Variants in CSMD1 observed in about 807,000 individuals in gnomAD.
CSMD1 encodes the protein CUB and sushi domain-containing protein 1.
A neutral mutation model predicts 417.5 loss-of-function variants in CSMD1; 213 were observed. The ratio of observed to expected loss-of-function variants is 0.51; its 90% confidence interval spans 0.46 to 0.57. The LOEUF (loss-of-function observed/expected upper bound fraction) is 0.57, where lower values mean the gene tolerates loss of function less well. CSMD1 is among the 20% of genes least tolerant of loss of function. The pLI is 0.00. For synonymous variants in CSMD1, 2,862 were observed against 1,736.8 expected (o/e 1.65, Z -16.11); for missense variants, 6,923 against 4,529.7 (o/e 1.53, Z -15.17).
At chr8:4,368,147 A>AT (rs1048339140) in intron 3 of CSMD1, among the ~76,000 whole-genome samples, 18 of 152,094 alleles carry the variant, frequency 1.2e-4, no homozygotes, top group South Asian at 4.2e-4. Context: ...ATAGATGATC[A>AT]TTTTTTTGAG....
intron 2 of CSMD1, among the ~76,000 whole-genome samples, chr8:4,440,612 G>A (rs913827834): frequency 5.3e-5 from 8 of 152,134 alleles, no homozygotes; most frequent in African/African-American, 1.9e-4. Context: ...GGAAAGATAG[G>A]TAGTACCATG....
chr8:4,632,119 C>G (rs939859468), intron 2 of CSMD1, among the ~76,000 whole-genome samples: 4 of 152,130 alleles, frequency 2.6e-5, no homozygotes, highest in African/African-American at 7.2e-5. Flanking sequence ...ATGGTTGACT[C>G]ACATTCATTT....
chr8:4,577,685 C>G (rs528417730), intron 2 of CSMD1, among the ~76,000 whole-genome samples: 3 of 152,298 alleles, frequency 2.0e-5, no homozygotes, highest in East Asian at 3.9e-4. Flanking sequence ...TAAGAGAGGA[C>G]AAATTGCTCC....
At chr8:4,431,822 A>C (rs772737148) in intron 2 of CSMD1, among the ~76,000 whole-genome samples, 10 of 152,186 alleles carry the variant, frequency 6.6e-5, no homozygotes, top group Non-Finnish European at 1.2e-4. Flanking sequence ...ATACACATCC[A>C]AGATAAAGTA....
chr8:3,289,358 G>A (rs1490289107), intron 25 of CSMD1, among the ~76,000 whole-genome samples: 1 of 147,164 alleles, frequency 6.8e-6, no homozygotes, highest in Admixed American at 6.7e-5. Flanking sequence ...GGGATGGCTG[G>A]GTCAAATGGT....
intron 3 of CSMD1, among the ~76,000 whole-genome samples, chr8:4,282,154 G>A (rs531679754): frequency 9.2e-5 from 14 of 152,104 alleles, no homozygotes; most frequent in Admixed American, 2.0e-4. Context: ...GCTCAAATAC[G>A]ATTTCAAAAT....
intron 7 of CSMD1, among the ~76,000 whole-genome samples, chr8:3,681,043 C>G (rs201729182): frequency 3.9e-5 from 6 of 152,044 alleles, no homozygotes; most frequent in Admixed American, 3.3e-4. Context: ...GTATCTCAAA[C>G]TAATAAGAGC....
Position 3,997,998 on chromosome 8 carries a change from C to G in CSMD1, c.723G>C (p.Glu241Asp). 1 of 1,610,016 alleles carries G rather than the reference C, an allele frequency of 6.2e-7. No individual in the cohort carries two copies. The highest frequency in any genetic ancestry group is 8.5e-7 in the Non-Finnish European group (1 of 1,177,948). Residue 241 changes from glutamate (E) to aspartate (D), a missense_variant, in exon 5 of 70, where the codon GAG becomes GAC. By Grantham distance (45) the Glu-to-Asp change is conservative. Coordinates refer to ENST00000635120, the MANE Select transcript of CSMD1 (RefSeq NM_033225.6). ...AGACCAGCGCAATGGTGTCCCCGGGCTCAGCCAGAATGGTCCAGGTGCAGT... is the reference window on the plus strand; with the variant it reads ...AGACCAGCGCAATGGTGTCCCCGGGGTCAGCCAGAATGGTCCAGGTGCAGT... ...NADCTWTILA[E>D]PGDTIALVFT...
chr8:3,442,185 A>C, intron 12 of CSMD1, among the ~76,000 whole-genome samples: 1 of 151,196 alleles, frequency 6.6e-6, no homozygotes, highest in Non-Finnish European at 1.5e-5. Flanking sequence ...CAAAACAATA[A>C]AAAATTTTAA....
At chr8:4,594,202 T>C (rs949505345) in intron 2 of CSMD1, among the ~76,000 whole-genome samples, 1 of 143,852 alleles carries the variant, frequency 7.0e-6, no homozygotes, top group Non-Finnish European at 1.5e-5. Flanking sequence ...GATCTTTTTT[T>C]TTTTTTTTTT....
chr8:3,616,806 G>A lies in CSMD1; in HGVS notation c.1010-9C>T, dbSNP rs373299764. 2.9e-5 allele frequency: 46 copies of A among 1,594,712 alleles called. No individual in the cohort carries two copies. In the African/African-American group the frequency reaches 5.9e-4, roughly 20 times the overall value. On this transcript the variant is annotated splice_polypyrimidine_tract_variant and intron_variant, in intron 7 of 69. Transcript: ENST00000635120. Reference sequence around the variant, plus strand: ...AACACCTCCTTGGCTCACTGTAATAGACAGAAACATTGTCAAAATGCTGTA... The same window carrying A: ...AACACCTCCTTGGCTCACTGTAATAAACAGAAACATTGTCAAAATGCTGTA...
At chr8:3,868,791 A>G (rs1442009154) in intron 5 of CSMD1, among the ~76,000 whole-genome samples, 3 of 152,162 alleles carry the variant, frequency 2.0e-5, no homozygotes, top group African/African-American at 4.8e-5. Flanking sequence ...CCTTCAAAAT[A>G]TAAGTAGAAT....
At chr8:4,608,350 G>C (rs373910524) in intron 2 of CSMD1, among the ~76,000 whole-genome samples, 48 of 152,324 alleles carry the variant, frequency 3.2e-4, no homozygotes, top group Non-Finnish European at 2.4e-4. Flanking sequence ...GGTAGCCACG[G>C]TGGTGGCTGA....
chr8:4,114,262 AATG>A (rs1304023025), intron 3 of CSMD1, among the ~76,000 whole-genome samples: 2 of 152,206 alleles, frequency 1.3e-5, no homozygotes, highest in Non-Finnish European at 2.9e-5. Flanking sequence ...GGCTCTTAAG[AATG>A]ATGCTAAATG....
intron 1 of CSMD1, among the ~76,000 whole-genome samples, chr8:4,943,069 G>A (rs979066981): frequency 6.6e-6 from 1 of 152,112 alleles, no homozygotes; most frequent in South Asian, 2.1e-4. Flanking sequence ...GAAAGTAATT[G>A]TTCATAACAG....
intron 49 of CSMD1, among the ~76,000 whole-genome samples, chr8:3,069,816 G>A (rs771917845): frequency 3.3e-5 from 5 of 152,210 alleles, no homozygotes; most frequent in African/African-American, 7.2e-5. Context: ...CCTTGGCACT[G>A]CCCTAGTAGA....
At chr8:3,708,286 T>C in intron 7 of CSMD1, 128 bp downstream of exon 7, 2 of 712,646 alleles carry the variant, frequency 2.8e-6, no homozygotes, top group South Asian at 1.8e-5. Context: ...GAAAATACTT[T>C]TGGATATAGA....
intron 2 of CSMD1, among the ~76,000 whole-genome samples, chr8:4,488,595 T>C (rs568715506): frequency 2.0e-5 from 3 of 152,152 alleles, no homozygotes; most frequent in African/African-American, 7.2e-5. Flanking sequence ...CTGCTTTCAA[T>C]TCCTGTGCTT....
intron 5 of CSMD1, among the ~76,000 whole-genome samples, chr8:3,951,715 G>A (rs1469758235): frequency 6.6e-6 from 1 of 152,048 alleles, no homozygotes; most frequent in East Asian, 1.9e-4. Context: ...GAGACTTCAT[G>A]GGTATTAACA....
Sources: gnomAD v4.1 joint callset for allele counts (sites outside exome capture counted in the v4.1 genomes callset) on GRCh38, gnomAD v4.1.1 for gene constraint, MANE v1.5 for transcripts, NCBI Gene and HGNC (gene_info 2026-07-23, HGNC 2026-07-21) for gene names.